HSPB7: variants seen among roughly 807,000 people sequenced by gnomAD.
HSPB7 encodes the protein heat shock protein beta-7.
HSPB7 carries 9 observed loss-of-function variants against 11.0 expected under a neutral mutation model. The observed-to-expected ratio is 0.82, with a 90% CI of 0.49 to 1.43. HSPB7 has a LOEUF of 1.43. Among genes scored for constraint, HSPB7 ranks in the 40% most tolerant of loss-of-function variants. The pLI, the probability that HSPB7 is intolerant of heterozygous loss-of-function variation, is 0.00. For missense variants in HSPB7, 246 were observed against 243.9 expected (o/e 1.01, Z -0.06); for synonymous variants, 102 against 101.6 (o/e 1.00, Z -0.02).
At position 16,014,949 on chromosome 1, in the gene HSPB7, A is replaced by G. The variant is rs1316864308; in HGVS notation, c.*631T>C. ...CAGCTGTATTGGAAAAACCCCATCT[A>G]TATACAGATGTGGCATGGCTCTGCC... On this transcript the variant is annotated 3_prime_UTR_variant, in exon 3 of 3. Transcript: ENST00000311890. 2 of 153,724 alleles carry G rather than the reference A, an allele frequency of 1.3e-5. No individual in the cohort carries two copies. The highest frequency in any genetic ancestry group is 1.3e-4 in the Admixed American group (2 of 15,690). 9.5% of individuals were successfully genotyped at this position (153,724 alleles called of 1,614,324 possible).
intron 2 of HSPB7, 53 bp downstream of exon 2, chr1:16,017,021 T>C: frequency 6.4e-7 from 1 of 1,567,488 alleles, no homozygotes; most frequent in Non-Finnish European, 8.7e-7. Flanking sequence ...GTAGGAGACA[T>C]TGGAGGCAGG....
At chr1:16,018,175 C>T, upstream of HSPB7, 1 of 1,526,472 alleles carries the variant, frequency 6.6e-7, no homozygotes, top group Non-Finnish European at 8.8e-7. Context: ...GTGCGCCGGC[C>T]CTGCTGACAG....
rs929417989 is a variant in HSPB7, at chr1:16,015,925, A to T, written c.334-166T>A. ...CCAGGGTGGTGATGGCCACAGGCCAAAGGCTCTGCAGGGACAGCGCAGGGG... is the reference window on the plus strand; with the variant it reads ...CCAGGGTGGTGATGGCCACAGGCCATAGGCTCTGCAGGGACAGCGCAGGGG... On this transcript the variant is annotated intron_variant, in intron 2 of 2. Transcript: ENST00000311890. This position sits in a 1 kb window ranked among gnomAD's most constrained non-coding sequence, Gnocchi z 4.9. Among the ~76,000 whole-genome samples, 1 of 152,226 alleles carries T rather than the reference A, an allele frequency of 6.6e-6. No individual in the cohort carries two copies. Among genetic ancestry groups the T allele is most frequent in the Non-Finnish European group, 1.5e-5 (1 of 68,034 alleles).
upstream of HSPB7, chr1:16,018,432 C>T (rs2021930612): frequency 1.1e-5 from 13 of 1,163,602 alleles, no homozygotes; most frequent in South Asian, 3.4e-5. Context: ...GGCTGTACCT[C>T]CTCCATCAGT....
upstream of HSPB7, chr1:16,018,265 C>T: frequency 2.8e-6 from 4 of 1,404,116 alleles, no homozygotes; most frequent in Non-Finnish European, 3.8e-6. Flanking sequence ...GCCTCCTCAC[C>T]ACTGCACAGG....
At chr1:16,018,926 T>C (rs753781608), upstream of HSPB7, 31 of 1,161,694 alleles carry the variant, frequency 2.7e-5, no homozygotes, top group Non-Finnish European at 3.5e-5. Context: ...CTTCCCATGT[T>C]ACGGACGGGG....
chr1:16,017,431 A>AACCCC (rs2021830767), intron 1 of HSPB7: 2 of 607,472 alleles, frequency 3.3e-6, no homozygotes, highest in African/African-American at 3.7e-5. Context: ...GGTCTGTAAC[A>AACCCC]ACCCCACCCC....
At chr1:16,017,301 C>T in intron 1 of HSPB7, 94 bp from the exon 2 acceptor site, 13 of 1,520,332 alleles carry the variant, frequency 8.6e-6, no homozygotes, top group Non-Finnish European at 1.2e-5. Context: ...GGGGCGGCTC[C>T]CCCAGGCCCT....
chr1:16,019,139 C>G, upstream of HSPB7: 2 of 1,548,556 alleles, frequency 1.3e-6, no homozygotes, highest in Non-Finnish European at 1.7e-6. Context: ...CTGACCTTGC[C>G]CTGGGCCAGG....
rs2021847128 is a variant in HSPB7 at position 16,017,654 on chromosome 1, G to A, written c.199+111C>T. The A allele has an allele frequency of 3.5e-6, 3 of 862,110 alleles. No homozygotes were observed. The Admixed American group carries it at 8.3e-5, about 24-fold the overall frequency. The allele number at this position is 862,110 out of a possible 1,614,324, so 53.4% of individuals were successfully genotyped here. A position where few individuals can be genotyped will look rare whatever the true frequency, so the allele number is the denominator to read the frequency against. On this transcript the variant is annotated intron_variant, in intron 1 of 2. Transcript: ENST00000311890. Reference sequence around the variant, plus strand: ...TGGTGGCCACACATGGCTGCAGGCTGTGCAGCACCTGTTCCAGGCCGACCG... The same window carrying A: ...TGGTGGCCACACATGGCTGCAGGCTATGCAGCACCTGTTCCAGGCCGACCG...
At chr1:16,018,903 G>A, upstream of HSPB7, 1 of 1,244,618 alleles carries the variant, frequency 8.0e-7, no homozygotes, top group South Asian at 1.7e-5. Context: ...ACAGCTGGGA[G>A]GGTGGAGGGG....
upstream of HSPB7, chr1:16,019,211 T>C (rs963559669): frequency 2.6e-6 from 4 of 1,550,510 alleles, no homozygotes; most frequent in Non-Finnish European, 3.5e-6. Context: ...GTTAAGGGCC[T>C]CTGCTGTCCT....
chr1:16,019,554 C>T (rs993869625), upstream of HSPB7: 5 of 1,369,518 alleles, frequency 3.7e-6, no homozygotes, highest in Non-Finnish European at 3.0e-6. Context: ...CTGGAGAGCT[C>T]CTTCTACAGG....
chr1:16,017,409 T>C (rs951956115), intron 1 of HSPB7: 6 of 646,294 alleles, frequency 9.3e-6, no homozygotes, highest in Non-Finnish European at 1.6e-5. Context: ...AGTGTGTGTG[T>C]ATATGAGGCT....
upstream of HSPB7, chr1:16,019,201 G>A: frequency 6.4e-7 from 1 of 1,550,572 alleles, no homozygotes; most frequent in Non-Finnish European, 8.7e-7. Flanking sequence ...CCAGGTTGCA[G>A]TTAAGGGCCT....
At chr1:16,016,132 A>G (rs895206949) in intron 2 of HSPB7, among the ~76,000 whole-genome samples, 1 of 152,230 alleles carries the variant, frequency 6.6e-6, no homozygotes, top group African/African-American at 2.4e-5. Flanking sequence ...TCTGCCCGCC[A>G]GGGCTGAGCG....
In HSPB7 at chr1:16,014,651, A is replaced by T. The variant is rs1034608396; in HGVS notation, c.*929T>A. ...TGTGTGTGTTACACACACCGAGCCT[A>T]TAGATTCATAGATTAAAGAGGGGGA... is the stretch of plus-strand genomic sequence containing the variant. On this transcript the variant is annotated 3_prime_UTR_variant, in exon 3 of 3. Coordinates refer to ENST00000311890, the MANE Select transcript of HSPB7 (RefSeq NM_014424.5). The T allele has an allele frequency of 2.6e-5, 4 of 152,210 alleles. No individual in the cohort carries two copies. Among genetic ancestry groups the T allele is most frequent in the Non-Finnish European group, 4.4e-5 (3 of 68,030 alleles). The allele number at this position is 152,210 out of a possible 1,614,324, so 9.4% of individuals were successfully genotyped here. A position where few individuals can be genotyped will look rare whatever the true frequency, so the allele number is the denominator to read the frequency against.
intron 1 of HSPB7, 59 bp from the exon 2 acceptor site, chr1:16,017,266 G>C: frequency 6.3e-7 from 1 of 1,583,134 alleles, no homozygotes; most frequent in Non-Finnish European, 8.6e-7. Flanking sequence ...AGATCCGGGG[G>C]TTCTGGCTCC....
chr1:16,018,220 C>T, upstream of HSPB7: 3 of 1,486,188 alleles, frequency 2.0e-6, no homozygotes, highest in South Asian at 3.6e-5. Flanking sequence ...GAGCTCACAG[C>T]CTGACATTCC....
Sources: gnomAD v4.1 joint callset for allele counts (sites outside exome capture counted in the v4.1 genomes callset) on GRCh38, gnomAD v4.1.1 for gene constraint, Gnocchi (gnomAD v3.1) non-coding constraint, MANE v1.5 for transcripts, NCBI Gene and HGNC (gene_info 2026-07-23, HGNC 2026-07-21) for gene names.